Variants in VDAC1 observed in about 807,000 individuals in gnomAD.
VDAC1 encodes voltage dependent anion channel 1, also known as non-selective voltage-gated ion channel VDAC1.
Under a neutral mutation model 34.7 loss-of-function variants are expected in VDAC1, and 10 were observed. The observed-to-expected ratio is 0.29, with a 90% CI of 0.18 to 0.49. The LOEUF is 0.49. Among genes scored for constraint, VDAC1 ranks in the 20% least tolerant of loss-of-function variants. The pLI is 0.99. For synonymous variants in VDAC1, 130 were observed against 136.0 expected, an observed-to-expected ratio of 0.96 and a Z score of 0.30; for missense variants, 230 against 347.9, an observed-to-expected ratio of 0.66 and a Z score of 2.69.
chr5:134,090,347 C>T, the VDAC1 span, among the ~76,000 whole-genome samples: 1,917 of 152,308 alleles, frequency 0.013, 42 homozygotes, highest in African/African-American at 0.044. Flanking sequence ...ACAGAATGGA[C>T]GCATTGTTCT....
the VDAC1 span, among the ~76,000 whole-genome samples, chr5:134,045,845 TGG>T: frequency 1.3e-5 from 2 of 150,542 alleles, no homozygotes; most frequent in Non-Finnish European, 3.0e-5. Flanking sequence ...CCACCACGCC[TGG>T]CTAATTTTCA....
chr5:134,101,418 C>T, the VDAC1 span, among the ~76,000 whole-genome samples: 4 of 152,076 alleles, frequency 2.6e-5, no homozygotes, highest in African/African-American at 9.7e-5. Flanking sequence ...GGTGAAACCC[C>T]ATGTCTATTA....
At chr5:134,003,557 A>T (rs192079978) in intron 1 of VDAC1, among the ~76,000 whole-genome samples, 91 of 152,374 alleles carry the variant, frequency 6.0e-4, no homozygotes, top group Non-Finnish European at 9.7e-4. Context: ...ATGCTTGTCA[A>T]TAATAGTGAA....
rs115383435 is a variant in VDAC1 at position 133,976,363 on chromosome 5, G to A, written c.552-342C>T. The A allele has an allele frequency of 3.9e-3, 811 of 209,856 alleles. 9 individuals are homozygous for A. Among genetic ancestry groups the A allele is most frequent in the African/African-American group, 0.016 (696 of 43,534 alleles). 13.0% of individuals were successfully genotyped at this position (209,856 alleles called of 1,614,324 possible). ...TCTACTAAAAATACAAAAATTGACC[G>A]GGCTGGTGCCATACGCCTGTAATCC... is the stretch of plus-strand genomic sequence containing the variant. On this transcript the variant is annotated intron_variant, in intron 6 of 8. Transcript: ENST00000265333.
chr5:134,030,184 C>T, the VDAC1 span, among the ~76,000 whole-genome samples: 3 of 151,980 alleles, frequency 2.0e-5, no homozygotes, highest in East Asian at 5.8e-4. Context: ...CTACTAAAAA[C>T]ACAAAATTAG....
chr5:134,098,386 G>A, the VDAC1 span, among the ~76,000 whole-genome samples: 6 of 151,830 alleles, frequency 4.0e-5, no homozygotes, highest in Admixed American at 6.6e-5. Context: ...CACCATGACC[G>A]GCTAATTTTT....
At chr5:134,064,914 C>A in the VDAC1 span, among the ~76,000 whole-genome samples, 3 of 151,714 alleles carry the variant, frequency 2.0e-5, no homozygotes, top group Non-Finnish European at 4.4e-5. Flanking sequence ...GAGATGGGGT[C>A]TTGCCATATT....
At chr5:133,997,838 CG>C (rs1753387318) in intron 1 of VDAC1, among the ~76,000 whole-genome samples, 1 of 151,128 alleles carries the variant, frequency 6.6e-6, no homozygotes, top group African/African-American at 2.4e-5. Flanking sequence ...CCGAGGTGGG[CG>C]GGTCACCTGA....
the VDAC1 span, among the ~76,000 whole-genome samples, chr5:134,105,057 G>A: frequency 6.6e-6 from 1 of 152,234 alleles, no homozygotes; most frequent in African/African-American, 2.4e-5. Context: ...GAGAGCTCCT[G>A]AGAGCATGGC....
chr5:134,086,589 C>T, the VDAC1 span, among the ~76,000 whole-genome samples: 2 of 152,228 alleles, frequency 1.3e-5, no homozygotes, highest in Non-Finnish European at 2.9e-5. Context: ...GTTTCTAGGA[C>T]GTTTCCCACC....
At position 133,986,247 on chromosome 5, in the gene VDAC1, C is replaced by T. The variant is rs142488989; in HGVS notation, c.323+4608G>A. 1.4e-4 allele frequency among the ~76,000 whole-genome samples: 22 copies of T among 152,320 alleles called. No homozygotes were observed. The East Asian group carries it at 4.0e-3, about 28-fold the overall frequency. ...TGTGGCCTCATCCAGATGTGGTCTA[C>T]ACTCCGCTCCTCCTGGGAGCCAGGT... On this transcript the variant is annotated intron_variant, in intron 5 of 8. Transcript: ENST00000265333.
the VDAC1 span, among the ~76,000 whole-genome samples, chr5:134,020,027 C>T: frequency 6.6e-6 from 1 of 152,050 alleles, no homozygotes; most frequent in Non-Finnish European, 1.5e-5. Flanking sequence ...TCACCCCATC[C>T]TTTCATACCT....
intron 1 of VDAC1, among the ~76,000 whole-genome samples, chr5:133,996,547 C>G (rs891374878): frequency 2.0e-5 from 3 of 152,072 alleles, no homozygotes; most frequent in Admixed American, 1.3e-4. Flanking sequence ...GCTGTGCTCA[C>G]CGTGCCCCCA....
intron 1 of VDAC1, among the ~76,000 whole-genome samples, chr5:133,998,653 A>G (rs1753424997): frequency 6.6e-6 from 1 of 152,258 alleles, no homozygotes; most frequent in Non-Finnish European, 1.5e-5. Flanking sequence ...TAGAGTGTCC[A>G]TACAGATTGC....
the VDAC1 span, among the ~76,000 whole-genome samples, chr5:134,058,809 C>T: frequency 6.6e-6 from 1 of 152,196 alleles, no homozygotes; most frequent in Non-Finnish European, 1.5e-5. Context: ...GAACCTGACA[C>T]AGCAACGTGA....
chr5:134,037,382 C>T, the VDAC1 span, among the ~76,000 whole-genome samples: 1 of 152,212 alleles, frequency 6.6e-6, no homozygotes. Context: ...ATTTGCTAAA[C>T]TGGTCACTCT....
the VDAC1 span, among the ~76,000 whole-genome samples, chr5:134,095,643 C>T: frequency 6.6e-6 from 1 of 152,144 alleles, no homozygotes; most frequent in Non-Finnish European, 1.5e-5. Flanking sequence ...CCTAACGTTG[C>T]CATCCCCTCC....
chr5:134,109,542 G>A, the VDAC1 span, among the ~76,000 whole-genome samples: 1 of 152,156 alleles, frequency 6.6e-6, no homozygotes, highest in Non-Finnish European at 1.5e-5. Context: ...GGCCAAGGTG[G>A]TTGAATCAGC....
chr5:134,035,798 A>C, the VDAC1 span, among the ~76,000 whole-genome samples: 6 of 152,082 alleles, frequency 3.9e-5, no homozygotes, highest in African/African-American at 4.8e-5. Flanking sequence ...TGAGGTCAGG[A>C]GTTCAAGACC....
Sources: gnomAD v4.1 joint callset for allele counts (sites outside exome capture counted in the v4.1 genomes callset) on GRCh38, gnomAD v4.1.1 for gene constraint, MANE v1.5 for transcripts, NCBI Gene and HGNC (gene_info 2026-07-23, HGNC 2026-07-21) for gene names.